The following ELFN1 variants were observed in gnomAD, a reference collection of about 807,000 sequenced individuals.
The protein encoded by ELFN1 is extracellular leucine rich repeat and fibronectin type III domain containing 1.
ELFN1 carries 6 observed loss-of-function variants against 7.6 expected under a neutral mutation model. The ratio of observed to expected loss-of-function variants is 0.79; its 90% CI spans 0.43 to 1.56. The LOEUF is 1.56. Among genes scored for constraint, ELFN1 ranks in the 40% most tolerant of loss-of-function variants. ELFN1 has a pLI of 0.01. For synonymous variants in ELFN1, 657 were observed against 588.1 expected, an observed-to-expected ratio of 1.12 and a Z score of -1.70; for missense variants, 1,169 against 1,232.2, an observed-to-expected ratio of 0.95 and a Z score of 0.77.
chr7:1,709,111 A>G lies in ELFN1; in HGVS notation c.-435A>G, dbSNP rs965064494. The G allele has an allele frequency of 3.9e-5, 6 of 152,130 alleles. No individual in the cohort carries two copies. Among genetic ancestry groups the G allele is most frequent in the African/African-American group, 1.4e-4 (6 of 41,380 alleles). The allele number at this position is 152,130 out of a possible 1,614,324, so 9.4% of individuals were successfully genotyped here. ...TGCAGGTGCAGCTGCCTTGGCGACC[A>G]TTTGTCCTACAGTTTGTCCGGACCC... On this transcript the variant is annotated 5_prime_UTR_variant, in exon 3 of 4. Coordinates refer to ENST00000424383, the MANE Select transcript of ELFN1 (RefSeq NM_001128636.4).
chr7:1,747,276 C>T lies in ELFN1; in HGVS notation c.*193C>T, dbSNP rs910480167. The T allele has an allele frequency of 1.2e-5, 6 of 485,202 alleles. No homozygotes were observed. Among genetic ancestry groups the T allele is most frequent in the African/African-American group, 6.4e-5 (3 of 47,148 alleles). 30.1% of individuals were successfully genotyped at this position (485,202 alleles called of 1,614,324 possible). On this transcript the variant is annotated 3_prime_UTR_variant, in exon 4 of 4. Coordinates refer to ENST00000424383, the MANE Select transcript of ELFN1 (RefSeq NM_001128636.4). Reference sequence around the variant, plus strand: ...AGCTCCTGTGGCCGGTCCTGGGATGCGCTTGTCGCCCCGGGTGGCACGTGT... The same window carrying T: ...AGCTCCTGTGGCCGGTCCTGGGATGTGCTTGTCGCCCCGGGTGGCACGTGT...
In ELFN1 at chr7:1,728,286, G is replaced by A. The variant is rs375732591; in HGVS notation, c.-293-16018G>A. ...GCCCCTGTGGAGGGAGCCCAGCCCC[G>A]GCCTGCACCCTTCCCAGAGGCTCAC... is the stretch of plus-strand genomic sequence containing the variant. On this transcript the variant is annotated intron_variant, in intron 3 of 3. Transcript: ENST00000424383. Among the ~76,000 whole-genome samples, 24 of 152,328 alleles carry A rather than the reference G, an allele frequency of 1.6e-4. No homozygotes were observed. In the East Asian group the frequency reaches 2.5e-3, roughly 16 times the overall value.
intron 3 of ELFN1, among the ~76,000 whole-genome samples, chr7:1,724,329 T>G (rs1449926070): frequency 6.6e-6 from 1 of 152,160 alleles, no homozygotes; most frequent in African/African-American, 2.4e-5. Context: ...AGATCTCTAT[T>G]AAGTCAGCCC....
rs1042536350 is a variant in ELFN1, at chr7:1,739,800, G to A, written c.-293-4504G>A. On this transcript the variant is annotated intron_variant, in intron 3 of 3. Coordinates refer to ENST00000424383, the MANE Select transcript of ELFN1 (RefSeq NM_001128636.4). This position sits in a 1 kb window ranked among gnomAD's most constrained non-coding sequence, Gnocchi z 4.6. ...GGTCACCGGTGGCCTTGGTGAGAGCGGCTCAGAGGGCCCGAGGGGGGACGC... is the reference window on the plus strand; with the variant it reads ...GGTCACCGGTGGCCTTGGTGAGAGCAGCTCAGAGGGCCCGAGGGGGGACGC... Among the ~76,000 whole-genome samples, 5 of 152,200 alleles carry A rather than the reference G, an allele frequency of 3.3e-5. No homozygotes were observed. Among genetic ancestry groups the A allele is most frequent in the Non-Finnish European group, 7.3e-5 (5 of 68,038 alleles).
chr7:1,737,176 C>T (rs117108812), intron 3 of ELFN1, among the ~76,000 whole-genome samples: 40 of 152,270 alleles, frequency 2.6e-4, no homozygotes, highest in African/African-American at 7.5e-4. Flanking sequence ...GCCCTTCGAG[C>T]GCAGCTCCTG....
Position 1,746,198 on chromosome 7 carries a change from G to A in ELFN1, c.1602G>A (p.Pro534=), listed in dbSNP as rs377554478. ...SYMEVRTGDP[P]ERRDCELGRP... ...TGGAGGTTCGAACCGGGGACCCTCC[G>A]GAACGCAGGGACTGTGAGCTGGGCC... is the stretch of plus-strand genomic sequence containing the variant. The change falls in exon 4 of 4, where the codon CCG becomes CCA. Residue 534 remains proline (P), a synonymous_variant. Coordinates refer to ENST00000424383, the MANE Select transcript of ELFN1 (RefSeq NM_001128636.4). 67 of 1,551,880 alleles carry A rather than the reference G, an allele frequency of 4.3e-5. No individual in the cohort carries two copies. Among genetic ancestry groups the A allele is most frequent in the East Asian group, 9.7e-5 (4 of 41,054 alleles).
chr7:1,681,526 C>T (rs1778975065), intron 1 of ELFN1, among the ~76,000 whole-genome samples: 1 of 152,176 alleles, frequency 6.6e-6, no homozygotes, highest in South Asian at 2.1e-4. Context: ...CCATGCCCAG[C>T]TGATTTTTGT....
intron 1 of ELFN1, among the ~76,000 whole-genome samples, chr7:1,672,487 G>A (rs1027961756): frequency 4.6e-5 from 7 of 152,108 alleles, no homozygotes; most frequent in African/African-American, 1.7e-4. Context: ...CACCCTAAAT[G>A]TATACTTGTA....
In ELFN1 at chr7:1,745,497, A is replaced by G; in HGVS notation, c.901A>G (p.Thr301Ala). 1.3e-6 allele frequency: 2 copies of G among 1,544,210 alleles called. No individual in the cohort carries two copies. The highest frequency in any genetic ancestry group is 1.7e-6 in the Non-Finnish European group (2 of 1,146,772). ...TGAGTGCTTCTCCGGGGACGGCACC[A>G]CGCCACTGGTGGCCCTGCCCACGCT... ...DDECFSGDGTTPLVALPTLAT... is the reference protein window; with the variant it reads ...DDECFSGDGTAPLVALPTLAT... Residue 301 changes from threonine to alanine, a missense_variant, in exon 4 of 4, where the codon ACG becomes GCG. By Grantham distance (58) the Thr-to-Ala change is moderately conservative (BLOSUM62 0). This residue lies in a region of ELFN1 where 914 missense variants were observed against 872.6 expected (regional missense o/e 1.05). Coordinates refer to ENST00000424383, the MANE Select transcript of ELFN1 (RefSeq NM_001128636.4).
chr7:1,694,153 G>A (rs1188031340), intron 2 of ELFN1: 1 of 241,292 alleles, frequency 4.1e-6, no homozygotes, highest in East Asian at 9.1e-5. Context: ...GGCAGACCCA[G>A]GCCCCTCACA....
intron 3 of ELFN1, among the ~76,000 whole-genome samples, chr7:1,728,107 G>T (rs1385737741): frequency 1.3e-5 from 2 of 152,182 alleles, no homozygotes; most frequent in Non-Finnish European, 2.9e-5. Flanking sequence ...CCACCCAGGG[G>T]CCTCTCTTTT....
intron 2 of ELFN1, chr7:1,693,838 G>A (rs117250982): frequency 0.013 from 5,897 of 462,374 alleles, 66 homozygotes; most frequent in Middle Eastern, 0.038. Flanking sequence ...TGGGCCAATC[G>A]GGGTTCCTGG....
intron 2 of ELFN1, among the ~76,000 whole-genome samples, chr7:1,701,090 C>A (rs557277526): frequency 6.7e-6 from 1 of 150,074 alleles, no homozygotes; most frequent in African/African-American, 2.5e-5. Context: ...TGTGTGTGTG[C>A]GCGTGTGTGT....
At chr7:1,715,665 A>C (rs1377489413) in intron 3 of ELFN1, among the ~76,000 whole-genome samples, 1 of 151,978 alleles carries the variant, frequency 6.6e-6, no homozygotes, top group African/African-American at 2.4e-5. Flanking sequence ...TTCCTCCTGT[A>C]ATTTACATCC....
chr7:1,745,880 C>A lies in ELFN1; in HGVS notation c.1284C>A (p.Gly428=). 6.3e-7 allele frequency: 1 copy of A among 1,592,474 alleles called. No homozygotes were observed. The highest frequency in any genetic ancestry group is 2.3e-5 in the East Asian group (1 of 43,800). ...TGACCATCCTGGGCTGCCTCTTCGGCATGGTGCTGGTGCTGGGCGCCGTCT... is the reference window on the plus strand; with the variant it reads ...TGACCATCCTGGGCTGCCTCTTCGGAATGGTGCTGGTGCTGGGCGCCGTCT... ...YIMTILGCLF[G]MVLVLGAVYY... The change falls in exon 4 of 4, where the codon GGC becomes GGA. Residue 428 remains glycine, a synonymous_variant. Coordinates refer to ENST00000424383, the MANE Select transcript of ELFN1 (RefSeq NM_001128636.4).
chr7:1,723,264 T>G (rs555826325), intron 3 of ELFN1, among the ~76,000 whole-genome samples: 40 of 152,300 alleles, frequency 2.6e-4, no homozygotes, highest in African/African-American at 8.2e-4. Context: ...CAGCACGCGG[T>G]TCAGTGGTGT....
chr7:1,716,001 A>T (rs563664399), intron 3 of ELFN1, among the ~76,000 whole-genome samples: 1 of 152,280 alleles, frequency 6.6e-6, no homozygotes, highest in South Asian at 2.1e-4. Flanking sequence ...CCCAGGTTTA[A>T]CTGTGGGCGC....
In ELFN1 at chr7:1,740,310, C is replaced by T. The variant is rs916800792; in HGVS notation, c.-293-3994C>T. On this transcript the variant is annotated intron_variant, in intron 3 of 3. Coordinates refer to ENST00000424383, the MANE Select transcript of ELFN1 (RefSeq NM_001128636.4). This position sits in a 1 kb window ranked among gnomAD's most constrained non-coding sequence, Gnocchi z 5.0. The stretch of plus-strand genomic sequence containing the variant: ...TGGGGCCTTGTGGTCCACGCCCATA[C>T]GAGCCTCTGGGTCTGAGGCAGCAAG... 3.3e-5 allele frequency among the ~76,000 whole-genome samples: 5 copies of T among 152,192 alleles called. No individual in the cohort carries two copies. The highest frequency in any genetic ancestry group is 2.1e-4 in the South Asian group (1 of 4,828).
At position 1,702,607 on chromosome 7, in the gene ELFN1, C is replaced by T. The variant is rs114234318; in HGVS notation, c.-455-6484C>T. Among the ~76,000 whole-genome samples the T allele has an allele frequency of 1.9e-4, 29 of 150,988 alleles. No homozygotes were observed. The South Asian group carries it at 5.8e-3, about 30-fold the overall frequency. On this transcript the variant is annotated intron_variant, in intron 2 of 3. Transcript: ENST00000424383. ...TTGAATGTATAAATTAATTTGAAGACTGTTGATGTTTCATAAATATTCATT... is the reference window on the plus strand; with the variant it reads ...TTGAATGTATAAATTAATTTGAAGATTGTTGATGTTTCATAAATATTCATT...
Sources: allele counts gnomAD v4.1 joint callset (sites outside exome capture counted in the v4.1 genomes callset), GRCh38; gene constraint gnomAD v4.1.1; regional missense constraint gnomAD v4.1.1; non-coding constraint Gnocchi (gnomAD v3.1); transcripts MANE v1.5; gene names NCBI Gene and HGNC (gene_info 2026-07-23, HGNC 2026-07-21).